Variants in PPM1L observed in about 807,000 individuals in gnomAD.
PPM1L encodes protein phosphatase 1L.
Under a neutral mutation model 31.4 loss-of-function variants are expected in PPM1L, and 13 were observed. The ratio of observed to expected loss-of-function variants is 0.41; its 90% CI spans 0.27 to 0.66. PPM1L has a LOEUF of 0.66. PPM1L is among the 30% of genes least tolerant of loss of function. PPM1L has a pLI of 0.29. For synonymous variants in PPM1L, 184 were observed against 175.4 expected (o/e 1.05, Z -0.39); for missense variants, 326 against 453.7 (o/e 0.72, Z 2.56).
At chr3:160,865,753 C>T (rs183597843) in intron 1 of PPM1L, among the ~76,000 whole-genome samples, 21 of 152,272 alleles carry the variant, frequency 1.4e-4, no homozygotes, top group Non-Finnish European at 2.2e-4. Context: ...CTAACCAGGA[C>T]GACAGAGTGA....
intron 1 of PPM1L, among the ~76,000 whole-genome samples, chr3:160,818,820 C>T (rs1298309834): frequency 6.6e-6 from 1 of 151,800 alleles, no homozygotes; most frequent in African/African-American, 2.4e-5. Context: ...TATCCATTAC[C>T]TCATACATTT....
intron 1 of PPM1L, among the ~76,000 whole-genome samples, chr3:160,860,222 C>A (rs576085043): frequency 6.6e-6 from 1 of 152,180 alleles, no homozygotes; most frequent in Non-Finnish European, 1.5e-5. Flanking sequence ...TTAGTCACCA[C>A]GTCCAGATGC....
At chr3:161,012,798 A>G (rs983224689) in intron 2 of PPM1L, among the ~76,000 whole-genome samples, 6 of 152,144 alleles carry the variant, frequency 3.9e-5, no homozygotes, top group African/African-American at 1.4e-4. Flanking sequence ...TTTCTAGTTT[A>G]TTTGTGTAGA....
intron 1 of PPM1L, among the ~76,000 whole-genome samples, chr3:160,775,523 A>T (rs763612932): frequency 2.0e-5 from 3 of 152,170 alleles, no homozygotes; most frequent in Non-Finnish European, 2.9e-5. Flanking sequence ...GACCAGGAAA[A>T]TGTAGATTAA....
At chr3:160,808,313 G>GTGTGTGTGTGTGTGTGTGTGTGTT (rs1560112571) in intron 1 of PPM1L, among the ~76,000 whole-genome samples, 2 of 148,110 alleles carry the variant, frequency 1.4e-5, no homozygotes, top group African/African-American at 5.2e-5. Flanking sequence ...GTGTGTGTGT[G>GTGTGTGTGTGTGTGTGTGTGTGTT]TGTGTGTGCG....
chr3:160,919,277 T>C (rs373272241), intron 1 of PPM1L, among the ~76,000 whole-genome samples: 3 of 152,238 alleles, frequency 2.0e-5, no homozygotes, highest in East Asian at 3.8e-4. Flanking sequence ...TTCCTCTCCA[T>C]CTGGCCTCTG....
intron 1 of PPM1L, among the ~76,000 whole-genome samples, chr3:160,764,810 T>G (rs1172259136): frequency 6.6e-6 from 1 of 152,188 alleles, no homozygotes; most frequent in Non-Finnish European, 1.5e-5. Flanking sequence ...TATTTTTTAG[T>G]GATAGAGCAA....
At chr3:161,028,655 G>T (rs1718475025) in intron 2 of PPM1L, among the ~76,000 whole-genome samples, 1 of 152,180 alleles carries the variant, frequency 6.6e-6, no homozygotes, top group African/African-American at 2.4e-5. Context: ...CTGCAAGGCA[G>T]AATCAAATTA....
intron 2 of PPM1L, among the ~76,000 whole-genome samples, chr3:160,975,504 A>C (rs1264145261): frequency 2.6e-5 from 4 of 152,148 alleles, no homozygotes; most frequent in Non-Finnish European, 5.9e-5. Flanking sequence ...CTGACCCATG[A>C]GCATGGAATG....
intron 2 of PPM1L, among the ~76,000 whole-genome samples, chr3:161,057,763 T>C (rs1301566678): frequency 6.6e-6 from 1 of 152,012 alleles, no homozygotes; most frequent in Non-Finnish European, 1.5e-5. Flanking sequence ...TTCTCCCATT[T>C]GTCACAAGCC....
chr3:160,848,921 C>T (rs1714168368), intron 1 of PPM1L, among the ~76,000 whole-genome samples: 1 of 152,054 alleles, frequency 6.6e-6, no homozygotes, highest in African/African-American at 2.4e-5. Context: ...TCAAATTAAC[C>T]ATGAAAACCT....
At chr3:160,884,392 A>G (rs1296826137) in intron 1 of PPM1L, among the ~76,000 whole-genome samples, 2 of 152,140 alleles carry the variant, frequency 1.3e-5, no homozygotes, top group African/African-American at 4.8e-5. Context: ...AGCAAGAGCA[A>G]AGGTATGGAG....
chr3:160,824,145 T>G (rs1249953603), intron 1 of PPM1L, among the ~76,000 whole-genome samples: 2 of 151,906 alleles, frequency 1.3e-5, no homozygotes, highest in Non-Finnish European at 2.9e-5. Context: ...AGATGCGGAG[T>G]GTGGAACTGT....
intron 1 of PPM1L, among the ~76,000 whole-genome samples, chr3:160,831,741 A>G (rs1320309232): frequency 3.3e-5 from 5 of 152,212 alleles, no homozygotes; most frequent in African/African-American, 9.7e-5. Context: ...TAAGAAATTT[A>G]GATTTGAGTT....
chr3:160,985,614 G>C (rs926410847), intron 2 of PPM1L, among the ~76,000 whole-genome samples: 1 of 151,996 alleles, frequency 6.6e-6, no homozygotes, highest in Non-Finnish European at 1.5e-5. Flanking sequence ...ATATTTACTG[G>C]TAGCTTTAGT....
rs929458323 is a variant in PPM1L, at chr3:161,069,341, A to G, written c.*184A>G. On this transcript the variant is annotated 3_prime_UTR_variant, in exon 4 of 4. Transcript: ENST00000498165. ...GAGGGTGCCCTTGGCCAATGTAGTT[A>G]AGAAACTGGAAAATGGTTTCTTCAT... is the stretch of plus-strand genomic sequence containing the variant. 5 of 582,798 alleles carry G rather than the reference A, an allele frequency of 8.6e-6. No homozygotes were observed. Among genetic ancestry groups the G allele is most frequent in the Non-Finnish European group, 1.5e-5 (5 of 333,140 alleles). 36.1% of individuals were successfully genotyped at this position (582,798 alleles called of 1,614,324 possible).
chr3:161,048,552 C>T (rs1187557257), intron 2 of PPM1L, among the ~76,000 whole-genome samples: 1 of 152,096 alleles, frequency 6.6e-6, no homozygotes, highest in African/African-American at 2.4e-5. Context: ...ACTAGAAATA[C>T]CATTTGACCC....
intron 1 of PPM1L, among the ~76,000 whole-genome samples, chr3:160,842,522 G>T (rs750632558): frequency 2.0e-5 from 3 of 152,238 alleles, no homozygotes; most frequent in South Asian, 4.1e-4. Context: ...CAGAAGCAGC[G>T]TACAGCTCTG....
chr3:161,028,551 G>C (rs1041076395), intron 2 of PPM1L, among the ~76,000 whole-genome samples: 1 of 152,118 alleles, frequency 6.6e-6, no homozygotes, highest in Non-Finnish European at 1.5e-5. Context: ...AAGGAGAAAA[G>C]GGAAAGGACC....
Sources: allele counts gnomAD v4.1 joint callset (sites outside exome capture counted in the v4.1 genomes callset), GRCh38; gene constraint gnomAD v4.1.1; transcripts MANE v1.5; gene names NCBI Gene and HGNC (gene_info 2026-07-23, HGNC 2026-07-21).